ANK3: variants seen among roughly 807,000 people sequenced by gnomAD.
ANK3 encodes the protein ankyrin-3.
ANK3 carries 57 observed loss-of-function variants against 370.9 expected under a neutral mutation model. That is an observed-to-expected ratio of 0.15 (90% CI 0.12 to 0.19). The LOEUF (loss-of-function observed/expected upper bound fraction) is 0.19, where lower values mean the gene tolerates loss of function less well. ANK3 is among the 10% of genes least tolerant of loss of function. ANK3 has a pLI of 1.00. For missense variants in ANK3, 4,439 were observed against 5,302.1 expected (o/e 0.84, Z 5.06); for synonymous variants, 1,929 against 1,946.3 (o/e 0.99, Z 0.23).
At chr10:60,129,466 A>G (rs1247492873) in intron 25 of ANK3, among the ~76,000 whole-genome samples, 1 of 152,180 alleles carries the variant, frequency 6.6e-6, no homozygotes, top group African/African-American at 2.4e-5. Flanking sequence ...AAAGTTCTCC[A>G]GGTGGCCGGG....
intron 7 of ANK3, among the ~76,000 whole-genome samples, chr10:60,240,415 C>T (rs1354444343): frequency 6.6e-6 from 1 of 151,260 alleles, no homozygotes; most frequent in East Asian, 1.9e-4. Context: ...AGCAATTCTC[C>T]TGCCTCAGCC....
chr10:60,703,508 A>T (rs1241851031), intron 1 of ANK3, among the ~76,000 whole-genome samples: 3 of 152,204 alleles, frequency 2.0e-5, no homozygotes, highest in African/African-American at 7.2e-5. Flanking sequence ...AATTGTCCAC[A>T]ATGAACAGTC....
intron 2 of ANK3, among the ~76,000 whole-genome samples, chr10:60,539,149 AC>A: frequency 6.6e-6 from 1 of 151,946 alleles, no homozygotes; most frequent in Non-Finnish European, 1.5e-5. Flanking sequence ...AAATGAAACT[AC>A]CATTAATACT....
chr10:60,506,039 A>G (rs2075931146), intron 2 of ANK3, among the ~76,000 whole-genome samples: 1 of 152,048 alleles, frequency 6.6e-6, no homozygotes, highest in African/African-American at 2.4e-5. Context: ...AAACCCCCCA[A>G]ACCTATTTTC....
At chr10:60,495,101 T>C (rs2075620002) in intron 2 of ANK3, among the ~76,000 whole-genome samples, 1 of 152,208 alleles carries the variant, frequency 6.6e-6, no homozygotes, top group Admixed American at 6.5e-5. Flanking sequence ...CTTTAAGAAA[T>C]GTTCACAAAG....
chr10:60,347,761 A>T (rs2055938493), intron 1 of ANK3, among the ~76,000 whole-genome samples: 1 of 152,178 alleles, frequency 6.6e-6, no homozygotes, highest in African/African-American at 2.4e-5. Flanking sequence ...ACACTTTGCT[A>T]TGCATCAGAA....
intron 2 of ANK3, among the ~76,000 whole-genome samples, chr10:60,504,445 G>A (rs181104250): frequency 1.9e-4 from 29 of 152,208 alleles, no homozygotes; most frequent in Non-Finnish European, 3.7e-4. Context: ...ATAAGGATTT[G>A]ATTATAATAA....
chr10:60,593,324 T>C (rs1434656141), intron 2 of ANK3, among the ~76,000 whole-genome samples: 1 of 152,136 alleles, frequency 6.6e-6, no homozygotes, highest in Non-Finnish European at 1.5e-5. Flanking sequence ...AGTAAAGAAA[T>C]TTGTTTTAAT....
chr10:60,185,724 C>T (rs1168517012), intron 17 of ANK3, among the ~76,000 whole-genome samples: 1 of 152,106 alleles, frequency 6.6e-6, no homozygotes, highest in Non-Finnish European at 1.5e-5. Flanking sequence ...GTGTGGTTTC[C>T]TATTATCTGA....
At chr10:60,658,218 C>CT (rs2078891820) in intron 1 of ANK3, among the ~76,000 whole-genome samples, 1 of 150,052 alleles carries the variant, frequency 6.7e-6, no homozygotes, top group South Asian at 2.1e-4. Context: ...TTAGGTTTGC[C>CT]TTTTAAAAAA....
At position 60,693,760 on chromosome 10, in the gene ANK3, C is replaced by T. The variant is rs2079396286; in HGVS notation, c.57+39503G>A. On this transcript the variant is annotated intron_variant, in intron 1 of 43. Coordinates refer to the ANK3 transcript ENST00000373827. ...CAAAAACCCATCTGTACATCACCAT[C>T]ATCAAAGACCAAAAGTAGATAAAAC... Among the ~76,000 whole-genome samples, 9 of 152,286 alleles carry T rather than the reference C, an allele frequency of 5.9e-5. No homozygotes were observed. In the South Asian group the frequency reaches 1.9e-3, roughly 32 times the overall value.
At chr10:60,107,704 T>TA (rs1157064909) in intron 27 of ANK3, among the ~76,000 whole-genome samples, 2 of 152,204 alleles carry the variant, frequency 1.3e-5, no homozygotes, top group East Asian at 1.9e-4. Flanking sequence ...TCAAAGCCCA[T>TA]AAAAAATTAC....
intron 2 of ANK3, among the ~76,000 whole-genome samples, chr10:60,441,122 C>A (rs1484592539): frequency 6.6e-6 from 1 of 152,068 alleles, no homozygotes; most frequent in East Asian, 1.9e-4. Context: ...AAAATATTAA[C>A]CGTTGCCAGT....
At chr10:60,307,382 G>C (rs1484168442) in intron 1 of ANK3, among the ~76,000 whole-genome samples, 3 of 152,092 alleles carry the variant, frequency 2.0e-5, no homozygotes, top group Non-Finnish European at 4.4e-5. Flanking sequence ...ACCCAGGCCA[G>C]AGCGCAATGG....
chr10:60,678,141 T>C (rs1228287667), intron 1 of ANK3, among the ~76,000 whole-genome samples: 1 of 152,232 alleles, frequency 6.6e-6, no homozygotes, highest in African/African-American at 2.4e-5. Context: ...AAGGCAATGA[T>C]AAAAGCTCTA....
At chr10:60,404,321 G>A (rs1334290095) in intron 2 of ANK3, among the ~76,000 whole-genome samples, 2 of 151,980 alleles carry the variant, frequency 1.3e-5, no homozygotes, top group African/African-American at 4.8e-5. Flanking sequence ...TTGAAAGAGT[G>A]ACACTACCTG....
chr10:60,054,863 A>T (rs999392631), intron 42 of ANK3, among the ~76,000 whole-genome samples: 7 of 152,220 alleles, frequency 4.6e-5, no homozygotes, highest in African/African-American at 1.7e-4. Flanking sequence ...AAAAAGCAGT[A>T]AAAAATGTAG....
chr10:60,422,617 T>C (rs1007143326), intron 2 of ANK3, among the ~76,000 whole-genome samples: 1 of 152,156 alleles, frequency 6.6e-6, no homozygotes, highest in African/African-American at 2.4e-5. Flanking sequence ...TCATTTACTT[T>C]AATAATGCCT....
At chr10:60,084,916 T>C in intron 31 of ANK3, 86 bp from the exon 32 acceptor site, 1 of 1,059,490 alleles carries the variant, frequency 9.4e-7, no homozygotes, top group Non-Finnish European at 1.3e-6. Flanking sequence ...AAAATCAGAA[T>C]ATGTAAAGGA....
Sources: allele counts gnomAD v4.1 joint callset (sites outside exome capture counted in the v4.1 genomes callset), GRCh38; gene constraint gnomAD v4.1.1; transcripts MANE v1.5; gene names NCBI Gene and HGNC (gene_info 2026-07-23, HGNC 2026-07-21).